Variants in R3HDM1 observed in about 807,000 individuals in gnomAD.
R3HDM1 encodes R3H domain-containing protein 1.
Under a neutral mutation model 141.1 loss-of-function variants are expected in R3HDM1, and 46 were observed. That is an observed-to-expected ratio of 0.33 (90% CI 0.26 to 0.42). The LOEUF is 0.42. Among genes scored for constraint, R3HDM1 ranks in the 10% least tolerant of loss-of-function variants. The probability of loss-of-function intolerance (pLI) is 1.00; values close to 1 mark genes in which losing one functional copy is unlikely to be tolerated. For missense variants in R3HDM1, 1,184 were observed against 1,368.3 expected, an observed-to-expected ratio of 0.87 and a Z score of 2.12; for synonymous variants, 435 against 472.9, an observed-to-expected ratio of 0.92 and a Z score of 1.04.
At chr2:135,532,212 C>T (rs905337083) in intron 1 of R3HDM1, among the ~76,000 whole-genome samples, 1 of 152,192 alleles carries the variant, frequency 6.6e-6, no homozygotes, top group Non-Finnish European at 1.5e-5. Flanking sequence ...GGTACATTTT[C>T]CCTGTGGTAC....
chr2:135,635,378 C>T lies in R3HDM1; in HGVS notation c.699-512C>T, dbSNP rs75318338. Among the ~76,000 whole-genome samples, 1,617 of 152,298 alleles carry T rather than the reference C, an allele frequency of 0.011. 100 individuals carry two copies. The East Asian group carries it at 0.19, about 18-fold the overall frequency. Reference sequence around the variant, plus strand: ...TAACTGACCTGAGCTCCAACTATGGCTTAATCATATGCCTGCCTTTGACCT... The same window carrying T: ...TAACTGACCTGAGCTCCAACTATGGTTTAATCATATGCCTGCCTTTGACCT... On this transcript the variant is annotated intron_variant, in intron 9 of 26. Transcript: ENST00000683871.
At position 135,680,452 on chromosome 2, in the gene R3HDM1, A is replaced by G. The variant is rs936650236; in HGVS notation, c.2459+128A>G. Reference sequence around the variant, plus strand: ...ATTCTCTAATGTAGAATAGAAAAAAACTATAATACAGTATACTTTTTAACA... The same window carrying G: ...ATTCTCTAATGTAGAATAGAAAAAAGCTATAATACAGTATACTTTTTAACA... On this transcript the variant is annotated intron_variant, in intron 21 of 26. Coordinates refer to ENST00000683871, the MANE Select transcript of R3HDM1 (RefSeq NM_001378107.1). 34 of 1,045,088 alleles carry G rather than the reference A, an allele frequency of 3.3e-5. No homozygotes were observed. In the Admixed American group the frequency reaches 3.7e-4, roughly 11 times the overall value. 64.7% of individuals were successfully genotyped at this position (1,045,088 alleles called of 1,614,324 possible).
chr2:135,542,929 G>T (rs886659703), intron 1 of R3HDM1, among the ~76,000 whole-genome samples: 2 of 152,162 alleles, frequency 1.3e-5, no homozygotes, highest in African/African-American at 4.8e-5. Context: ...TAGAGATGGG[G>T]TTTCACCATG....
chr2:135,652,004 A>AGCC lies in R3HDM1; in HGVS notation c.2001_2002insCCG (p.Gln667_Gly668insPro). The stretch of plus-strand genomic sequence containing the variant: ...GTCAGCCAGCCTGTGCTCCAGCAGC[A>AGCC]GGGATATATTCAGCAGCCATCACCA... On this transcript the variant is annotated inframe_insertion, in exon 18 of 27. Coordinates refer to ENST00000683871, the MANE Select transcript of R3HDM1 (RefSeq NM_001378107.1). The AGCC allele has an allele frequency of 6.2e-7, 1 of 1,604,802 alleles. No individual in the cohort carries two copies. Among genetic ancestry groups the AGCC allele is most frequent in the South Asian group, 1.1e-5 (1 of 89,062 alleles).
chr2:135,626,212 C>CG (rs1559280728), intron 7 of R3HDM1, among the ~76,000 whole-genome samples: 3 of 126,040 alleles, frequency 2.4e-5, no homozygotes, highest in East Asian at 2.5e-4. Flanking sequence ...TGCGTGCGTG[C>CG]TTGCTTGCTT....
chr2:135,580,186 G>A (rs1706470594), intron 1 of R3HDM1, among the ~76,000 whole-genome samples: 1 of 152,174 alleles, frequency 6.6e-6, no homozygotes, highest in African/African-American at 2.4e-5. Context: ...AGGAGGTGGA[G>A]GTTGCAGTGA....
At chr2:135,699,627 T>TAGAA (rs952786763) in intron 21 of R3HDM1, among the ~76,000 whole-genome samples, 13 of 152,180 alleles carry the variant, frequency 8.5e-5, no homozygotes, top group African/African-American at 2.9e-4. Flanking sequence ...ATTATCAGAG[T>TAGAA]AGAAGAATGT....
At position 135,702,761 on chromosome 2, in the gene R3HDM1, G is replaced by A. The variant is rs530300291; in HGVS notation, c.2460-6672G>A. 2.1e-4 allele frequency among the ~76,000 whole-genome samples: 32 copies of A among 151,890 alleles called. No individual in the cohort carries two copies. In the South Asian group the frequency reaches 5.6e-3, roughly 27 times the overall value. On this transcript the variant is annotated intron_variant, in intron 21 of 26. Transcript: ENST00000683871. Reference sequence around the variant, plus strand: ...GAACTTGGGAGGTGGAGGTTGCAGCGAGCCGAGATCGCACTCCAGCCTAGG... The same window carrying A: ...GAACTTGGGAGGTGGAGGTTGCAGCAAGCCGAGATCGCACTCCAGCCTAGG...
chr2:135,558,392 T>C (rs1341697823), intron 1 of R3HDM1, among the ~76,000 whole-genome samples: 1 of 152,242 alleles, frequency 6.6e-6, no homozygotes, highest in Non-Finnish European at 1.5e-5. Flanking sequence ...ATATCCTGCC[T>C]CCTATATTTA....
intron 17 of R3HDM1, chr2:135,651,458 T>C: frequency 2.1e-6 from 2 of 974,232 alleles, no homozygotes; most frequent in Non-Finnish European, 2.4e-6. Flanking sequence ...AATGTCTTCA[T>C]TTTTTAATGT....
chr2:135,537,718 GCAGTCTCGGCTCACTGCAACCT>G (rs1696545545), intron 1 of R3HDM1, among the ~76,000 whole-genome samples: 2 of 150,940 alleles, frequency 1.3e-5, no homozygotes, highest in African/African-American at 2.4e-5. Flanking sequence ...GTGCAGTGGT[GCAGTCTCGGCTCACTGCAACCT>G]CCGCCTTCTG....
At chr2:135,689,052 T>G (rs2071876574) in intron 21 of R3HDM1, among the ~76,000 whole-genome samples, 1 of 152,232 alleles carries the variant, frequency 6.6e-6, no homozygotes, top group South Asian at 2.1e-4. Context: ...CACTATGAAA[T>G]TTCAACCCTA....
At chr2:135,622,523 C>A in intron 6 of R3HDM1, 131 bp from the exon 7 acceptor site, 4 of 1,338,378 alleles carry the variant, frequency 3.0e-6, no homozygotes, top group Non-Finnish European at 3.8e-6. Context: ...TGTAACTTTT[C>A]CTACTTTGTC....
At chr2:135,596,023 G>A (rs1323387157) in intron 1 of R3HDM1, among the ~76,000 whole-genome samples, 1 of 152,046 alleles carries the variant, frequency 6.6e-6, no homozygotes, top group East Asian at 1.9e-4. Context: ...TTTTGAGAGG[G>A]AGTCTCGTTC....
intron 11 of R3HDM1, among the ~76,000 whole-genome samples, 161 bp downstream of exon 11, chr2:135,636,344 T>C (rs2063244948): frequency 6.6e-6 from 1 of 152,220 alleles, no homozygotes; most frequent in African/African-American, 2.4e-5. Flanking sequence ...GCTTGTGTTA[T>C]TAATAGTTTA....
intron 9 of R3HDM1, among the ~76,000 whole-genome samples, 175 bp downstream of exon 9, chr2:135,632,176 C>T (rs556873174): frequency 2.0e-5 from 3 of 151,914 alleles, no homozygotes; most frequent in Non-Finnish European, 4.4e-5. Context: ...CAAAATGCAA[C>T]AGCCTGGACT....
Position 135,709,686 on chromosome 2 carries a change from A to C in R3HDM1, c.2563+150A>C, listed in dbSNP as rs2075400512. 5 of 923,910 alleles carry C rather than the reference A, an allele frequency of 5.4e-6. No individual in the cohort carries two copies. In the East Asian group the frequency reaches 1.3e-4, roughly 24 times the overall value. The allele number at this position is 923,910 out of a possible 1,614,324, so 57.2% of individuals were successfully genotyped here. The stretch of plus-strand genomic sequence containing the variant: ...AGGGTGCTGTACTGAATCATAGTTA[A>C]CATGTGCAGTCCACTTCTTCCTTTC... On this transcript the variant is annotated intron_variant, in intron 22 of 26. Transcript: ENST00000683871.
At chr2:135,637,949 A>G (rs1351078544) in intron 11 of R3HDM1, among the ~76,000 whole-genome samples, 26 of 152,184 alleles carry the variant, frequency 1.7e-4, no homozygotes, top group Admixed American at 1.6e-3. Context: ...GCCACAGACA[A>G]TACATAAGTG....
chr2:135,549,518 G>A (rs1426304160), intron 1 of R3HDM1, among the ~76,000 whole-genome samples: 2 of 138,218 alleles, frequency 1.4e-5, no homozygotes, highest in South Asian at 4.4e-4. Context: ...CCGACATTGC[G>A]CCATTGCACT....
Sources: gnomAD v4.1 joint callset for allele counts (sites outside exome capture counted in the v4.1 genomes callset) on GRCh38, gnomAD v4.1.1 for gene constraint, MANE v1.5 for transcripts, NCBI Gene and HGNC (gene_info 2026-07-23, HGNC 2026-07-21) for gene names.